PCDH15: variants seen among roughly 807,000 people sequenced by gnomAD.
The protein encoded by PCDH15 is protocadherin-15.
PCDH15 carries 129 observed loss-of-function variants against 178.5 expected under a neutral mutation model. That is an observed-to-expected ratio of 0.72 (90% CI 0.63 to 0.84). PCDH15 has a LOEUF of 0.84. Ranked by LOEUF, PCDH15 falls within the 40% of genes least tolerant of loss-of-function variation. PCDH15 has a pLI of 0.00. For missense variants in PCDH15, 2,230 were observed against 2,099.9 expected (o/e 1.06, Z -1.21); for synonymous variants, 800 against 732.0 (o/e 1.09, Z -1.50).
intron 3 of PCDH15, among the ~76,000 whole-genome samples, chr10:54,816,440 G>A (rs182555039): frequency 7.2e-5 from 11 of 152,084 alleles, no homozygotes; most frequent in South Asian, 2.1e-4. Context: ...TTTAGGAAAC[G>A]ACTATTTCAT....
chr10:55,235,059 G>A (rs186881821), intron 1 of PCDH15, among the ~76,000 whole-genome samples: 6 of 150,688 alleles, frequency 4.0e-5, no homozygotes, highest in African/African-American at 7.3e-5. Flanking sequence ...TAAAAGTCAC[G>A]AAATCCAGTT....
At chr10:54,579,772 T>C (rs1289289361) in intron 2 of PCDH15, among the ~76,000 whole-genome samples, 1 of 151,894 alleles carries the variant, frequency 6.6e-6, no homozygotes, top group Admixed American at 6.6e-5. Flanking sequence ...TAAAATCATA[T>C]CAACCATACT....
chr10:54,300,335 G>C (rs2060074490), intron 8 of PCDH15, among the ~76,000 whole-genome samples: 1 of 152,056 alleles, frequency 6.6e-6, no homozygotes. Flanking sequence ...ACTCACCTTT[G>C]GGCCCTGTAT....
At chr10:54,139,987 A>T (rs1050268410) in intron 14 of PCDH15, among the ~76,000 whole-genome samples, 3 of 152,182 alleles carry the variant, frequency 2.0e-5, no homozygotes, top group Admixed American at 6.5e-5. Context: ...GGTCTGTGTA[A>T]GTCATATGCC....
At chr10:53,969,943 T>C (rs1589686489) in intron 21 of PCDH15, among the ~76,000 whole-genome samples, 2 of 152,266 alleles carry the variant, frequency 1.3e-5, no homozygotes, top group East Asian at 1.9e-4. Context: ...AGGAAGAAAC[T>C]GCATCAACTA....
chr10:55,541,136 C>T (rs1156565257), intron 2 of PCDH15, among the ~76,000 whole-genome samples: 2 of 151,996 alleles, frequency 1.3e-5, no homozygotes, highest in African/African-American at 4.8e-5. Flanking sequence ...GCTAAGAATA[C>T]ATATTCATTA....
intron 3 of PCDH15, among the ~76,000 whole-genome samples, chr10:54,830,723 T>C (rs1055062580): frequency 6.6e-6 from 1 of 150,678 alleles, no homozygotes; most frequent in Non-Finnish European, 1.5e-5. Context: ...ACCCTAAAAC[T>C]TAAAGTATAA....
chr10:54,514,286 T>C (rs948210376), intron 3 of PCDH15, among the ~76,000 whole-genome samples: 1 of 152,106 alleles, frequency 6.6e-6, no homozygotes, highest in Non-Finnish European at 1.5e-5. Flanking sequence ...AGAAAACATA[T>C]ATATAATTAT....
intron 2 of PCDH15, among the ~76,000 whole-genome samples, chr10:55,518,262 A>C (rs1841068294): frequency 1.3e-5 from 2 of 151,942 alleles, no homozygotes; most frequent in Non-Finnish European, 1.5e-5. Context: ...TTCATGCTGA[A>C]CTCTTTTTGA....
intron 7 of PCDH15, among the ~76,000 whole-genome samples, chr10:54,321,170 T>C: frequency 6.9e-6 from 1 of 144,002 alleles, no homozygotes; most frequent in East Asian, 2.0e-4. Flanking sequence ...TTTGAAAATT[T>C]TTTTATTTAT....
intron 3 of PCDH15, among the ~76,000 whole-genome samples, chr10:54,390,572 G>C (rs1314684185): frequency 6.6e-6 from 1 of 152,198 alleles, no homozygotes; most frequent in Non-Finnish European, 1.5e-5. Flanking sequence ...TGGGATTACA[G>C]GCGTGAGCCA....
chr10:54,974,398 G>A (rs549169423), intron 2 of PCDH15, among the ~76,000 whole-genome samples: 1 of 151,528 alleles, frequency 6.6e-6, no homozygotes, highest in Non-Finnish European at 1.5e-5. Context: ...CACTAAGAAA[G>A]CTCTATTTAT....
intron 8 of PCDH15, among the ~76,000 whole-genome samples, chr10:54,238,685 A>T (rs371666750): frequency 0.18 from 17,512 of 96,914 alleles, 1,605 homozygotes; most frequent in African/African-American, 0.36. Flanking sequence ...TCTCACACAC[A>T]CACACACACA....
In PCDH15 at chr10:54,232,924, C is replaced by CTTTTTT. The variant is rs762364718; in HGVS notation, c.985+3893_985+3898dup. ...TCTATTGTGTTGTTTAGCTTTCTTT[C>CTTTTTT]TTTTTTTTTTTTTTTTTTTTTAAAG... is the stretch of plus-strand genomic sequence containing the variant. On this transcript the variant is annotated intron_variant, in intron 9 of 37. Coordinates refer to ENST00000644397, the MANE Select transcript of PCDH15 (RefSeq NM_001384140.1). Among the ~76,000 whole-genome samples the CTTTTTT allele has an allele frequency of 3.7e-3, 407 of 109,152 alleles. 6 individuals are homozygous for CTTTTTT. The highest frequency in any genetic ancestry group is 0.012 in the African/African-American group (316 of 26,804). The allele number at this position is 109,152 out of a possible 152,430, so 71.6% of individuals were successfully genotyped here. A position where few individuals can be genotyped will look rare whatever the true frequency, so the allele number is the denominator to read the frequency against.
chr10:53,822,917 G>C, intron 32 of PCDH15: 1 of 1,614,044 alleles, frequency 6.2e-7, no homozygotes, highest in Non-Finnish European at 8.5e-7. Context: ...CTTTCTGCCT[G>C]GTGCCTTGCC....
intron 9 of PCDH15, among the ~76,000 whole-genome samples, chr10:54,220,592 G>A (rs985973420): frequency 1.3e-5 from 2 of 152,118 alleles, no homozygotes; most frequent in Non-Finnish European, 1.5e-5. Flanking sequence ...TTGGGAGGCC[G>A]AGACGGGCGG....
chr10:54,774,831 A>AT (rs1949517455), intron 1 of PCDH15, among the ~76,000 whole-genome samples: 2 of 152,134 alleles, frequency 1.3e-5, no homozygotes, highest in South Asian at 4.1e-4. Context: ...AGTACCTGAC[A>AT]TTTACTCCTT....
chr10:54,610,353 T>C (rs941421063), intron 2 of PCDH15, among the ~76,000 whole-genome samples: 7 of 151,940 alleles, frequency 4.6e-5, no homozygotes, highest in South Asian at 2.1e-4. Context: ...ACTGTCTAAA[T>C]AGTTTAGCCA....
chr10:55,014,809 A>G (rs991164839), intron 2 of PCDH15, among the ~76,000 whole-genome samples: 2 of 152,188 alleles, frequency 1.3e-5, no homozygotes, highest in African/African-American at 4.8e-5. Context: ...TTTAATTGAA[A>G]TTAGTCCTCC....
Sources: gnomAD v4.1 joint callset for allele counts (sites outside exome capture counted in the v4.1 genomes callset) on GRCh38, gnomAD v4.1.1 for gene constraint, MANE v1.5 for transcripts, NCBI Gene and HGNC (gene_info 2026-07-23, HGNC 2026-07-21) for gene names.